The following UQCC1 variants were observed in gnomAD, a reference collection of about 807,000 sequenced individuals.
UQCC1 encodes bFGF-repressed Zic-binding protein.
A neutral mutation model predicts 48.0 loss-of-function variants in UQCC1; 38 were observed. The ratio of observed to expected loss-of-function variants is 0.79; its 90% CI spans 0.61 to 1.04. The LOEUF (loss-of-function observed/expected upper bound fraction) is 1.04, where lower values mean the gene tolerates loss of function less well. Among genes scored for constraint, UQCC1 ranks in the 50% least tolerant of loss-of-function variants. The pLI is 0.00. For missense variants in UQCC1, 368 were observed against 381.8 expected (o/e 0.96, Z 0.30); for synonymous variants, 111 against 129.2 (o/e 0.86, Z 0.95).
At chr20:35,401,386 A>C (rs972759692) in intron 1 of UQCC1, among the ~76,000 whole-genome samples, 4 of 152,196 alleles carry the variant, frequency 2.6e-5, no homozygotes, top group Non-Finnish European at 5.9e-5. Flanking sequence ...CAAAAGCACA[A>C]AAATACGAAA....
intron 7 of UQCC1, among the ~76,000 whole-genome samples, chr20:35,319,596 G>A (rs1376723999): frequency 6.6e-6 from 1 of 152,180 alleles, no homozygotes; most frequent in East Asian, 1.9e-4. Flanking sequence ...GCCAGGGACG[G>A]GTCCTGGAGT....
intron 6 of UQCC1, among the ~76,000 whole-genome samples, chr20:35,352,522 A>G (rs1445017233): frequency 6.6e-6 from 1 of 152,212 alleles, no homozygotes; most frequent in Admixed American, 6.5e-5. Flanking sequence ...AAATTTGGTG[A>G]ATATAGTCAT....
intron 1 of UQCC1, among the ~76,000 whole-genome samples, chr20:35,402,390 A>G (rs1309920997): frequency 3.3e-5 from 5 of 151,982 alleles, no homozygotes; most frequent in East Asian, 1.9e-4. Flanking sequence ...CATCCTGGCT[A>G]ACATGGTGAA....
chr20:35,370,546 G>C (rs1406763094), intron 5 of UQCC1, among the ~76,000 whole-genome samples: 1 of 152,192 alleles, frequency 6.6e-6, no homozygotes, highest in African/African-American at 2.4e-5. Flanking sequence ...AAATGACAAA[G>C]ATGGGCCACA....
Position 35,303,720 on chromosome 20 carries a change from C to A in UQCC1, c.*215G>T. On this transcript the variant is annotated 3_prime_UTR_variant, in exon 10 of 10. Transcript: ENST00000374385. ...GGCTTCCCCTAAGGGAGAGGACACCCCGGGAGAGCTAGGGGTTCTCCCAGC... is the reference window on the plus strand; with the variant it reads ...GGCTTCCCCTAAGGGAGAGGACACCACGGGAGAGCTAGGGGTTCTCCCAGC... 1.6e-6 allele frequency: 1 copy of A among 628,204 alleles called. No homozygotes were observed. The highest frequency in any genetic ancestry group is 2.7e-6 in the Non-Finnish European group (1 of 368,420). The allele number at this position is 628,204 out of a possible 1,614,324, so 38.9% of individuals were successfully genotyped here. A position where few individuals can be genotyped will look rare whatever the true frequency, so the allele number is the denominator to read the frequency against.
At chr20:35,355,326 A>G (rs555573034) in intron 6 of UQCC1, among the ~76,000 whole-genome samples, 9 of 152,260 alleles carry the variant, frequency 5.9e-5, no homozygotes, top group South Asian at 2.1e-4. Context: ...ACCGGAAGTT[A>G]CTGAAGATTC....
At chr20:35,376,930 C>A (rs1458851032) in intron 4 of UQCC1, among the ~76,000 whole-genome samples, 1 of 148,530 alleles carries the variant, frequency 6.7e-6, no homozygotes, top group Non-Finnish European at 1.5e-5. Flanking sequence ...AGCCTGGCGA[C>A]AGAGTGAGAC....
At position 35,342,901 on chromosome 20, in the gene UQCC1, C is replaced by A. The variant is rs2061396308; in HGVS notation, c.573+4263G>T. ...CTTCACGATGATATATGAGTCTGCT[C>A]CATTTTTCACAATAGTTGGGCTCCA... is the stretch of plus-strand genomic sequence containing the variant. On this transcript the variant is annotated intron_variant, in intron 7 of 9. Coordinates refer to ENST00000374385, the MANE Select transcript of UQCC1 (RefSeq NM_018244.5). Among the ~76,000 whole-genome samples the A allele has an allele frequency of 3.9e-5, 6 of 152,080 alleles. No individual in the cohort carries two copies. The South Asian group carries it at 1.0e-3, about 26-fold the overall frequency.
Position 35,350,767 on chromosome 20 carries a change from G to A in UQCC1, c.465-3495C>T, listed in dbSNP as rs141575573. On this transcript the variant is annotated intron_variant, in intron 6 of 9. Transcript: ENST00000374385. ...GTGATTCGAAACTTGTAGGCCAGGC[G>A]CAGTGGCTCACACCTGTAATTCCAA... 2.0e-5 allele frequency among the ~76,000 whole-genome samples: 3 copies of A among 151,888 alleles called. No homozygotes were observed. In the East Asian group the frequency reaches 5.8e-4, roughly 30 times the overall value.
chr20:35,387,034 T>C (rs2061952395), intron 2 of UQCC1, among the ~76,000 whole-genome samples: 2 of 151,918 alleles, frequency 1.3e-5, no homozygotes, highest in Admixed American at 1.3e-4. Flanking sequence ...CCCAACACTT[T>C]GGGAGGCCGA....
intron 2 of UQCC1, among the ~76,000 whole-genome samples, chr20:35,390,878 C>G (rs1167668601): frequency 6.6e-6 from 1 of 152,072 alleles, no homozygotes; most frequent in African/African-American, 2.4e-5. Context: ...ACCTCAATCT[C>G]ATTATAAGAA....
chr20:35,338,856 GAAAAAAAAAAAAAAAAA>G (rs1172467457), intron 7 of UQCC1, among the ~76,000 whole-genome samples: 22 of 26,848 alleles, frequency 8.2e-4, no homozygotes, highest in African/African-American at 2.6e-3. Context: ...CGTCTCAAAA[GAAAAAAAAAAAAAAAAA>G]AAAAAAAAAA....
At chr20:35,388,006 C>T (rs568831875) in intron 2 of UQCC1, among the ~76,000 whole-genome samples, 8 of 149,836 alleles carry the variant, frequency 5.3e-5, no homozygotes, top group Non-Finnish European at 8.9e-5. Flanking sequence ...TTTTTTGAGA[C>T]GGAGTCTCGC....
chr20:35,345,988 G>C (rs1256060251), intron 7 of UQCC1: 4 of 152,256 alleles, frequency 2.6e-5, no homozygotes, highest in Non-Finnish European at 5.9e-5. Context: ...GAAGATACTA[G>C]TGGGAGGTGA....
intron 7 of UQCC1, among the ~76,000 whole-genome samples, chr20:35,338,221 C>T (rs575977100): frequency 1.2e-4 from 19 of 152,018 alleles, no homozygotes; most frequent in African/African-American, 3.1e-4. Flanking sequence ...AAGTCTCTGC[C>T]GTATTGGATT....
intron 1 of UQCC1, among the ~76,000 whole-genome samples, chr20:35,406,440 G>A (rs2062251856): frequency 6.6e-6 from 1 of 152,124 alleles, no homozygotes; most frequent in African/African-American, 2.4e-5. Context: ...AGAAGGCAGT[G>A]GGATAAAATA....
chr20:35,366,662 A>G (rs1482528816), intron 5 of UQCC1, 48 bp from the exon 6 acceptor site: 6 of 1,486,766 alleles, frequency 4.0e-6, no homozygotes, highest in Non-Finnish European at 5.6e-6. Context: ...TAAAGGAAGC[A>G]TATTGACCAT....
intron 8 of UQCC1, among the ~76,000 whole-genome samples, chr20:35,311,533 G>T (rs1426951912): frequency 6.6e-6 from 1 of 152,088 alleles, no homozygotes; most frequent in Non-Finnish European, 1.5e-5. Context: ...AATAGCTCTA[G>T]CACCTTGTGA....
chr20:35,306,828 G>T, intron 8 of UQCC1, 49 bp from the exon 9 acceptor site: 1 of 1,404,426 alleles, frequency 7.1e-7, no homozygotes, highest in South Asian at 1.1e-5. Flanking sequence ...CACAGAGCCA[G>T]GACACAGACG....
Sources: gnomAD v4.1 joint callset for allele counts (sites outside exome capture counted in the v4.1 genomes callset) on GRCh38, gnomAD v4.1.1 for gene constraint, MANE v1.5 for transcripts, NCBI Gene and HGNC (gene_info 2026-07-23, HGNC 2026-07-21) for gene names.